Variants in SLC5A1 observed in about 807,000 individuals in gnomAD.
SLC5A1 encodes the protein solute carrier family 5 member 1, also known as sodium/glucose cotransporter 1.
A neutral mutation model predicts 73.5 loss-of-function variants in SLC5A1; 42 were observed. The observed-to-expected ratio is 0.57, with a 90% CI of 0.45 to 0.74. SLC5A1 has a LOEUF of 0.74. SLC5A1 is among the 30% of genes least tolerant of loss of function. The probability of loss-of-function intolerance (pLI) is 0.00; values close to 1 mark genes in which losing one functional copy is unlikely to be tolerated. For synonymous variants in SLC5A1, 300 were observed against 317.4 expected (o/e 0.95, Z 0.58); for missense variants, 634 against 855.4 (o/e 0.74, Z 3.23).
intron 11 of SLC5A1, 64 bp from the exon 12 acceptor site, chr22:32,099,102 AAAAATATATATATATAT>A (rs2094031558): frequency 3.1e-5 from 4 of 129,624 alleles, no homozygotes; most frequent in Admixed American, 2.1e-4. Context: ...AAAAAAAAAA[AAAAATATATATATATAT>A]ATATATATAT....
At chr22:32,070,049 C>CCCCTCTACCATCTAGCCTGCTGT (rs2093980223) in intron 5 of SLC5A1, among the ~76,000 whole-genome samples, 1 of 152,080 alleles carries the variant, frequency 6.6e-6, no homozygotes, top group Non-Finnish European at 1.5e-5. Flanking sequence ...ACTGGGGCTG[C>CCCCTCTACCATCTAGCCTGCTGT]CCCTCTACCA....
At chr22:32,090,157 A>G (rs1055814605) in intron 10 of SLC5A1, among the ~76,000 whole-genome samples, 1 of 151,900 alleles carries the variant, frequency 6.6e-6, no homozygotes, top group African/African-American at 2.4e-5. Flanking sequence ...CTATCCTACA[A>G]TTCCCTCATT....
chr22:32,059,780 T>C (rs1322715544), intron 2 of SLC5A1, among the ~76,000 whole-genome samples: 1 of 152,186 alleles, frequency 6.6e-6, no homozygotes, highest in South Asian at 2.1e-4. Flanking sequence ...GTTTGCGGAA[T>C]GATTTCCCAC....
At chr22:32,067,667 A>C (rs1204774890) in intron 3 of SLC5A1, among the ~76,000 whole-genome samples, 2 of 152,132 alleles carry the variant, frequency 1.3e-5, no homozygotes, top group African/African-American at 4.8e-5. Context: ...GTTATTATTA[A>C]AGCTCTCTAA....
chr22:32,049,446 T>C (rs1405794665), intron 1 of SLC5A1, among the ~76,000 whole-genome samples: 1 of 145,176 alleles, frequency 6.9e-6, no homozygotes, highest in Non-Finnish European at 1.5e-5. Flanking sequence ...GGTGTTGCTA[T>C]GTTGCCCAGG....
chr22:32,102,547 C>T (rs1002410944), intron 13 of SLC5A1, among the ~76,000 whole-genome samples: 1 of 152,150 alleles, frequency 6.6e-6, no homozygotes, highest in African/African-American at 2.4e-5. Flanking sequence ...GTGGGAGGAT[C>T]ACCTGAGTCC....
chr22:32,045,154 T>A (rs1211443151), intron 1 of SLC5A1, among the ~76,000 whole-genome samples: 1 of 152,182 alleles, frequency 6.6e-6, no homozygotes, highest in African/African-American at 2.4e-5. Flanking sequence ...CCACCCCAGC[T>A]TATAAGTGCT....
rs565315688 is a variant in SLC5A1 at position 32,061,086 on chromosome 22, G to A, written c.208-5849G>A. On this transcript the variant is annotated intron_variant, in intron 2 of 14. Transcript: ENST00000266088. ...ATAGAGTAACACCTGTCTTTGGTTC[G>A]AGAGACAGATGCAATTCCTGCCAGC... is the stretch of plus-strand genomic sequence containing the variant. 7.2e-5 allele frequency among the ~76,000 whole-genome samples: 11 copies of A among 152,278 alleles called. No homozygotes were observed. The South Asian group carries it at 1.9e-3, about 26-fold the overall frequency.
chr22:32,103,014 A>C (rs746739245), intron 13 of SLC5A1, among the ~76,000 whole-genome samples: 1 of 152,172 alleles, frequency 6.6e-6, no homozygotes, highest in Non-Finnish European at 1.5e-5. Flanking sequence ...GCTACTGTGA[A>C]TAGTGCTGCA....
chr22:32,051,561 T>G (rs758133573), intron 2 of SLC5A1, among the ~76,000 whole-genome samples: 1 of 151,888 alleles, frequency 6.6e-6, no homozygotes, highest in Non-Finnish European at 1.5e-5. Flanking sequence ...AAGGCTGAGG[T>G]GGGAGGATCG....
At position 32,084,902 on chromosome 22, in the gene SLC5A1, C is replaced by T; in HGVS notation, c.888C>T (p.Val296=). 1 of 1,614,148 alleles carries T rather than the reference C, an allele frequency of 6.2e-7. No homozygotes were observed. The highest frequency in any genetic ancestry group is 8.5e-7 in the Non-Finnish European group (1 of 1,180,034). Residue 296 remains valine, a splice_region_variant and synonymous_variant, in exon 9 of 15, where the codon GTC becomes GTT. Coordinates refer to ENST00000266088, the MANE Select transcript of SLC5A1 (RefSeq NM_000343.4). The stretch of plus-strand genomic sequence containing the variant: ...CCTTACTGGGCTTTTTCTGGCAGGT[C>T]ATTGTGCAGCGCTGCCTCTCAGCCA... ...LTLWYWCTDQ[V]IVQRCLSAKN... is the part of the protein sequence containing the mutation.
At chr22:32,068,322 A>G (rs774655722) in intron 4 of SLC5A1, among the ~76,000 whole-genome samples, 174 bp from the exon 5 acceptor site, 7 of 152,162 alleles carry the variant, frequency 4.6e-5, no homozygotes, top group Non-Finnish European at 1.0e-4. Flanking sequence ...AAATGAGCAA[A>G]TGGCTGGAGG....
In SLC5A1 at chr22:32,087,986, C is replaced by A. The variant is rs140131612; in HGVS notation, c.1129+1659C>A. 4.0e-3 allele frequency among the ~76,000 whole-genome samples: 610 copies of A among 152,264 alleles called. 5 individuals carry two copies. The highest frequency in any genetic ancestry group is 0.014 in the African/African-American group (586 of 41,550). The stretch of plus-strand genomic sequence containing the variant: ...AGTCTTTTAAAAAATTAAAAAACTA[C>A]AAACTTCATGCATGACTTTGGGCAA... On this transcript the variant is annotated intron_variant, in intron 10 of 14. Transcript: ENST00000266088.
intron 14 of SLC5A1, among the ~76,000 whole-genome samples, chr22:32,106,568 T>C (rs2094046210): frequency 6.6e-6 from 1 of 152,180 alleles, no homozygotes; most frequent in Non-Finnish European, 1.5e-5. Flanking sequence ...TATGGCCAGT[T>C]CTAGTGACAT....
At chr22:32,068,061 G>C in intron 4 of SLC5A1, 35 bp downstream of exon 4, 1 of 1,592,580 alleles carries the variant, frequency 6.3e-7, no homozygotes, top group Non-Finnish European at 8.6e-7. Flanking sequence ...TTTCCTGCTG[G>C]CAAATGTATC....
chr22:32,096,454 C>T (rs1386349649), intron 11 of SLC5A1, among the ~76,000 whole-genome samples: 1 of 152,174 alleles, frequency 6.6e-6, no homozygotes, highest in Admixed American at 6.5e-5. Flanking sequence ...CAGCTCTCCA[C>T]ACTGGCCATC....
At chr22:32,063,323 G>C (rs760665869) in intron 2 of SLC5A1, among the ~76,000 whole-genome samples, 1 of 152,080 alleles carries the variant, frequency 6.6e-6, no homozygotes, top group Admixed American at 6.6e-5. Context: ...AGGAGGGAAG[G>C]GACACTGATT....
chr22:32,101,057 T>C (rs558871208), intron 12 of SLC5A1, among the ~76,000 whole-genome samples: 61 of 152,282 alleles, frequency 4.0e-4, no homozygotes, highest in South Asian at 3.3e-3. Context: ...GCCTGTATTC[T>C]CCCAGATAGA....
rs927348984 is a variant in SLC5A1 at position 32,076,121 on chromosome 22, G to C, written c.478-5745G>C. On this transcript the variant is annotated intron_variant, in intron 5 of 14. Transcript: ENST00000266088. ...ACCAGGGACCTGCCACGAAGGCTTG[G>C]GGAGAATGTAGGGATCCAGTGGGGT... 5.3e-5 allele frequency among the ~76,000 whole-genome samples: 8 copies of C among 152,212 alleles called. No homozygotes were observed. In the East Asian group the frequency reaches 7.7e-4, roughly 15 times the overall value.
Sources: gnomAD v4.1 joint callset for allele counts (sites outside exome capture counted in the v4.1 genomes callset) on GRCh38, gnomAD v4.1.1 for gene constraint, MANE v1.5 for transcripts, NCBI Gene and HGNC (gene_info 2026-07-23, HGNC 2026-07-21) for gene names.